The following LRRC4C variants were observed in gnomAD, a reference collection of about 807,000 sequenced individuals.
The protein encoded by LRRC4C is leucine rich repeat containing 4C.
LRRC4C carries 5 observed loss-of-function variants against 33.6 expected under a neutral mutation model. The observed-to-expected ratio is 0.15, with a 90% CI of 0.08 to 0.31. LRRC4C has a LOEUF of 0.31. Among genes scored for constraint, LRRC4C ranks in the 10% least tolerant of loss-of-function variants. The pLI is 1.00. For missense variants in LRRC4C, 560 were observed against 796.7 expected, an observed-to-expected ratio of 0.70 and a Z score of 3.58; for synonymous variants, 329 against 302.0, an observed-to-expected ratio of 1.09 and a Z score of -0.93.
intron 3 of LRRC4C, among the ~76,000 whole-genome samples, chr11:40,595,626 C>G (rs545310902): frequency 3.2e-4 from 49 of 152,022 alleles, no homozygotes; most frequent in African/African-American, 1.1e-3. Context: ...TATATTAGGC[C>G]AATATATTTT....
chr11:40,488,479 C>CCTTGCTACAAA (rs140028109), intron 3 of LRRC4C, among the ~76,000 whole-genome samples: 19,310 of 151,942 alleles, frequency 0.13, 1,381 homozygotes, highest in African/African-American at 0.17. Context: ...AGTACATCAA[C>CCTTGCTACAAA]CTTTGCTTAG....
At chr11:40,697,766 C>T (rs746232258) in intron 2 of LRRC4C, among the ~76,000 whole-genome samples, 6 of 151,980 alleles carry the variant, frequency 3.9e-5, no homozygotes, top group Non-Finnish European at 8.8e-5. Flanking sequence ...TCAACTTCTC[C>T]TGCTGTTATT....
chr11:40,147,932 C>T lies in LRRC4C; in HGVS notation c.-95-7079G>A, dbSNP rs559051889. 2.6e-5 allele frequency among the ~76,000 whole-genome samples: 4 copies of T among 152,150 alleles called. No individual in the cohort carries two copies. The East Asian group carries it at 7.7e-4, about 29-fold the overall frequency. On this transcript the variant is annotated intron_variant, in intron 5 of 6. Transcript: ENST00000528697. ...CTGATAGGCCCCAGTGTGTGTTGTT[C>T]CCCTCTGTGTGTCCATGTGTTCTCA...
chr11:41,416,089 G>A (rs1293589384), intron 1 of LRRC4C, among the ~76,000 whole-genome samples: 1 of 151,800 alleles, frequency 6.6e-6, no homozygotes, highest in Non-Finnish European at 1.5e-5. Context: ...CATATCCCTC[G>A]GTATTACCAT....
At chr11:40,130,458 G>A (rs753517092) in intron 6 of LRRC4C, among the ~76,000 whole-genome samples, 10 of 151,868 alleles carry the variant, frequency 6.6e-5, no homozygotes, top group Non-Finnish European at 1.0e-4. Flanking sequence ...TCCCATAGGA[G>A]ATTTTCAAAG....
At chr11:40,538,767 A>G (rs375292818) in intron 3 of LRRC4C, among the ~76,000 whole-genome samples, 1 of 152,174 alleles carries the variant, frequency 6.6e-6, no homozygotes, top group Non-Finnish European at 1.5e-5. Context: ...CCAATAGTGT[A>G]AAAGTGTTCC....
At chr11:40,979,274 T>C (rs551351344) in intron 1 of LRRC4C, among the ~76,000 whole-genome samples, 3 of 152,330 alleles carry the variant, frequency 2.0e-5, no homozygotes, top group African/African-American at 7.2e-5. Flanking sequence ...ATGTCATATC[T>C]GTATCATTTA....
Position 40,973,867 on chromosome 11 carries a change from A to G in LRRC4C, c.-495-40144T>C, listed in dbSNP as rs947837146. Among the ~76,000 whole-genome samples, 11 of 152,084 alleles carry G rather than the reference A, an allele frequency of 7.2e-5. No homozygotes were observed. The East Asian group carries it at 1.5e-3, about 21-fold the overall frequency. Reference sequence around the variant, plus strand: ...GCAACTGTCTAGGTGGAATACTCATATAATAGATAAAACAGCCCCGAGCCC... The same window carrying G: ...GCAACTGTCTAGGTGGAATACTCATGTAATAGATAAAACAGCCCCGAGCCC... On this transcript the variant is annotated intron_variant, in intron 1 of 6. Transcript: ENST00000528697.
intron 3 of LRRC4C, among the ~76,000 whole-genome samples, chr11:40,498,667 G>C (rs1954592920): frequency 6.6e-6 from 1 of 152,126 alleles, no homozygotes; most frequent in African/African-American, 2.4e-5. Flanking sequence ...AATTGACTCA[G>C]AATAAATGCA....
chr11:40,633,249 C>T (rs967920466), intron 3 of LRRC4C, among the ~76,000 whole-genome samples: 1 of 152,088 alleles, frequency 6.6e-6, no homozygotes, highest in African/African-American at 2.4e-5. Flanking sequence ...CAGACACACA[C>T]ATGCACACAC....
intron 1 of LRRC4C, among the ~76,000 whole-genome samples, chr11:41,122,655 ATAAGT>A (rs950941600): frequency 6.6e-6 from 1 of 151,982 alleles, no homozygotes; most frequent in African/African-American, 2.4e-5. Context: ...GCATGATCAA[ATAAGT>A]TAAGAAAAAA....
At chr11:40,182,174 A>G (rs1350480270) in intron 5 of LRRC4C, among the ~76,000 whole-genome samples, 1 of 152,238 alleles carries the variant, frequency 6.6e-6, no homozygotes, top group Admixed American at 6.5e-5. Context: ...AAAGTTTATT[A>G]AACACTTTCT....
chr11:40,309,171 T>C (rs1356150939), intron 4 of LRRC4C, among the ~76,000 whole-genome samples: 1 of 152,234 alleles, frequency 6.6e-6, no homozygotes, highest in Admixed American at 6.5e-5. Flanking sequence ...TTAGCAGTCA[T>C]TCTCAAGTCC....
chr11:40,436,602 C>G (rs2137909675), intron 3 of LRRC4C, among the ~76,000 whole-genome samples: 1 of 152,290 alleles, frequency 6.6e-6, no homozygotes, highest in South Asian at 2.1e-4. Flanking sequence ...AGCACTAACT[C>G]AAATGCTCCA....
At chr11:40,495,861 G>A (rs1231598579) in intron 3 of LRRC4C, among the ~76,000 whole-genome samples, 7 of 101,946 alleles carry the variant, frequency 6.9e-5, no homozygotes, top group Non-Finnish European at 9.3e-5. Flanking sequence ...AGAGAGTCTC[G>A]CATTATCGCC....
intron 3 of LRRC4C, among the ~76,000 whole-genome samples, chr11:40,466,320 C>T (rs1218352307): frequency 6.6e-6 from 1 of 151,902 alleles, no homozygotes; most frequent in Non-Finnish European, 1.5e-5. Context: ...ATACAATGTA[C>T]ACTATTCAGG....
At chr11:40,552,711 T>C (rs980045003) in intron 3 of LRRC4C, among the ~76,000 whole-genome samples, 1 of 152,202 alleles carries the variant, frequency 6.6e-6, no homozygotes. Context: ...TCCTAAATAA[T>C]GGGTTTTCTA....
At chr11:40,482,108 G>T (rs930193974) in intron 3 of LRRC4C, among the ~76,000 whole-genome samples, 1 of 152,132 alleles carries the variant, frequency 6.6e-6, no homozygotes. Context: ...TCACTTGTTA[G>T]TTTGGTAACA....
intron 2 of LRRC4C, among the ~76,000 whole-genome samples, chr11:40,700,515 G>T (rs1169297830): frequency 6.6e-6 from 1 of 152,086 alleles, no homozygotes; most frequent in African/African-American, 2.4e-5. Flanking sequence ...TATCTCAAGT[G>T]ATTATCACAG....
Sources: allele counts gnomAD v4.1 joint callset (sites outside exome capture counted in the v4.1 genomes callset), GRCh38; gene constraint gnomAD v4.1.1; transcripts MANE v1.5; gene names NCBI Gene and HGNC (gene_info 2026-07-23, HGNC 2026-07-21).